Variants in PTBP2 observed in about 807,000 individuals in gnomAD.
PTBP2 encodes the protein polypyrimidine tract-binding protein 2.
PTBP2 carries 13 observed loss-of-function variants against 61.4 expected under a neutral mutation model. That is an observed-to-expected ratio of 0.21 (90% CI 0.14 to 0.34). The LOEUF (loss-of-function observed/expected upper bound fraction) is 0.34, where lower values mean the gene tolerates loss of function less well. PTBP2 is among the 10% of genes least tolerant of loss of function. The pLI is 1.00. For synonymous variants in PTBP2, 215 were observed against 218.5 expected (o/e 0.98, Z 0.14); for missense variants, 405 against 642.6 (o/e 0.63, Z 4.00).
At chr1:96,792,976 A>G (rs1386374895) in intron 8 of PTBP2, among the ~76,000 whole-genome samples, 1 of 152,206 alleles carries the variant, frequency 6.6e-6, no homozygotes, top group Non-Finnish European at 1.5e-5. Flanking sequence ...CAGAAATATT[A>G]AAAATACATA....
rs555376161 is a variant in PTBP2 at position 96,734,578 on chromosome 1, G to GT, written c.39+10994dup. 8.3e-3 allele frequency among the ~76,000 whole-genome samples: 1,205 copies of GT among 144,350 alleles called. 19 individuals carry two copies. The highest frequency in any genetic ancestry group is 0.036 in the Middle Eastern group (10 of 276). 94.7% of individuals were successfully genotyped at this position (144,350 alleles called of 152,430 possible). Reference sequence around the variant, plus strand: ...TACAAGCTCTCCGTTCCTGTTTTTTGTTTTTTTTTTAAGTTGCATTTCATT... The same window carrying GT: ...TACAAGCTCTCCGTTCCTGTTTTTTGTTTTTTTTTTTAAGTTGCATTTCATT... On this transcript the variant is annotated intron_variant, in intron 2 of 13. Transcript: ENST00000674951.
rs373815292 is a variant in PTBP2 at position 96,799,294 on chromosome 1, C to CTTTTTTTTTTTTTT, written c.905-5500_905-5487dup. 9.8e-4 allele frequency among the ~76,000 whole-genome samples: 90 copies of CTTTTTTTTTTTTTT among 92,160 alleles called. 6 individuals carry two copies. The highest frequency in any genetic ancestry group is 1.7e-3 in the African/African-American group (35 of 20,650). 60.5% of individuals were successfully genotyped at this position (92,160 alleles called of 152,430 possible). On this transcript the variant is annotated intron_variant, in intron 8 of 13. Coordinates refer to ENST00000674951, the MANE Select transcript of PTBP2 (RefSeq NM_021190.4). ...ATAGCAATCCTCAGAATAGATCAAGCTTTTTTTTTTTTTTTTTTTGAGATG... is the reference window on the plus strand; with the variant it reads ...ATAGCAATCCTCAGAATAGATCAAGCTTTTTTTTTTTTTTTTTTTTTTTTTTTTTTTTTGAGATG...
chr1:96,746,917 T>TC (rs1653916228), intron 2 of PTBP2, among the ~76,000 whole-genome samples: 1 of 36,212 alleles, frequency 2.8e-5, no homozygotes, highest in Non-Finnish European at 5.0e-5. Context: ...CTCCCTCCCT[T>TC]CCTTCCTTCC....
At position 96,721,808 on chromosome 1, in the gene PTBP2, G is replaced by A. The variant is rs1649585726; in HGVS notation, c.-57G>A. The A allele has an allele frequency of 3.2e-6, 5 of 1,552,080 alleles. No homozygotes were observed. The highest frequency in any genetic ancestry group is 4.4e-6 in the Non-Finnish European group (5 of 1,147,012). ...CAGCCGCCATTTTCTCGCCGCTTGT[G>A]TGGCTCGCTGGCTGCGTGGCTCGGT... On this transcript the variant is annotated 5_prime_UTR_variant, in exon 1 of 14. In the 5' UTR this introduces an upstream ATG that the reference lacks. Coordinates refer to ENST00000674951, the MANE Select transcript of PTBP2 (RefSeq NM_021190.4).
intron 3 of PTBP2, among the ~76,000 whole-genome samples, chr1:96,763,054 A>G (rs1414897197): frequency 6.8e-6 from 1 of 146,580 alleles, no homozygotes; most frequent in African/African-American, 2.6e-5. Context: ...CACTTCCTAG[A>G]TGGGATGGCG....
chr1:96,768,483 T>A (rs760736614), intron 3 of PTBP2, among the ~76,000 whole-genome samples: 1 of 152,018 alleles, frequency 6.6e-6, no homozygotes, highest in Non-Finnish European at 1.5e-5. Flanking sequence ...GGAGTATACA[T>A]GTATATTTCT....
intron 8 of PTBP2, among the ~76,000 whole-genome samples, chr1:96,786,748 C>G (rs1187266111): frequency 3.9e-5 from 6 of 152,058 alleles, no homozygotes; most frequent in African/African-American, 1.4e-4. Context: ...TCACATGCAA[C>G]TCATCAAAGA....
At chr1:96,729,439 A>G (rs574828737) in intron 2 of PTBP2, among the ~76,000 whole-genome samples, 2 of 152,062 alleles carry the variant, frequency 1.3e-5, no homozygotes, top group South Asian at 4.1e-4. Flanking sequence ...TATCCAGTAC[A>G]ATGTTTAATA....
At chr1:96,820,046 C>A (rs1253261064), downstream of PTBP2, 1 of 151,886 alleles carries the variant, frequency 6.6e-6, no homozygotes, top group Admixed American at 6.6e-5. Context: ...TATAAATACA[C>A]TTTTACTCTG....
In PTBP2 at chr1:96,813,626, C is replaced by A; in HGVS notation, c.*221C>A. On this transcript the variant is annotated 3_prime_UTR_variant, in exon 14 of 14. Transcript: ENST00000674951. ...ATATTTCATCTGTTCTATAGGGAAG[C>A]CATTTTGTCTGTTTAAAATTTCAGT... is the stretch of plus-strand genomic sequence containing the variant. The A allele has an allele frequency of 2.8e-6, 1 of 358,168 alleles. No homozygotes were observed. Among genetic ancestry groups the A allele is most frequent in the East Asian group, 4.2e-5 (1 of 23,974 alleles). The allele number at this position is 358,168 out of a possible 1,614,324, so 22.2% of individuals were successfully genotyped here.
chr1:96,731,119 A>G lies in PTBP2; in HGVS notation c.39+7525A>G, dbSNP rs560050184. On this transcript the variant is annotated intron_variant, in intron 2 of 13. Transcript: ENST00000674951. Reference sequence around the variant, plus strand: ...CTGCACCACAGTGTAGTTACTGGACATACCACAATTTAGTTTCCTACATCG... The same window carrying G: ...CTGCACCACAGTGTAGTTACTGGACGTACCACAATTTAGTTTCCTACATCG... Among the ~76,000 whole-genome samples, 98 of 152,310 alleles carry G rather than the reference A, an allele frequency of 6.4e-4. 1 individual carries two copies. The highest frequency in any genetic ancestry group is 6.3e-3 in the Admixed American group (96 of 15,298).
chr1:96,768,623 C>T (rs1657022085), intron 3 of PTBP2, among the ~76,000 whole-genome samples: 1 of 151,782 alleles, frequency 6.6e-6, no homozygotes, highest in Non-Finnish European at 1.5e-5. Context: ...TAAATATTAC[C>T]TATTTTATAG....
At chr1:96,804,650 T>G in intron 8 of PTBP2, 150 bp from the exon 9 acceptor site, 3 of 692,382 alleles carry the variant, frequency 4.3e-6, no homozygotes, top group Non-Finnish European at 4.6e-6. Context: ...AAACAATTTT[T>G]CTAAACACTA....
At chr1:96,796,979 T>A (rs999511227) in intron 8 of PTBP2, among the ~76,000 whole-genome samples, 1 of 152,190 alleles carries the variant, frequency 6.6e-6, no homozygotes, top group Non-Finnish European at 1.5e-5. Flanking sequence ...GATGGCAAAG[T>A]AGATGTTTTT....
In PTBP2 at chr1:96,785,696, A is replaced by G. The variant is rs542358198; in HGVS notation, c.904+442A>G. ...TGAAATGTTAAGAGACAAAACATACATAATGGGTGGAGGCATATGGGATTT... is the reference window on the plus strand; with the variant it reads ...TGAAATGTTAAGAGACAAAACATACGTAATGGGTGGAGGCATATGGGATTT... On this transcript the variant is annotated intron_variant, in intron 8 of 13. Coordinates refer to ENST00000674951, the MANE Select transcript of PTBP2 (RefSeq NM_021190.4). Among the ~76,000 whole-genome samples, 8 of 152,344 alleles carry G rather than the reference A, an allele frequency of 5.3e-5. No homozygotes were observed. In the South Asian group the frequency reaches 1.2e-3, roughly 24 times the overall value.
At chr1:96,812,022 A>G (rs1336500897) in intron 11 of PTBP2, among the ~76,000 whole-genome samples, 2 of 152,176 alleles carry the variant, frequency 1.3e-5, no homozygotes, top group African/African-American at 2.4e-5. Flanking sequence ...TCCAATGAGC[A>G]TTTCCCTTGA....
chr1:96,793,324 A>G (rs1256684137), intron 8 of PTBP2, among the ~76,000 whole-genome samples: 1 of 152,210 alleles, frequency 6.6e-6, no homozygotes, highest in Non-Finnish European at 1.5e-5. Flanking sequence ...AAACATTGGA[A>G]GAGCTAAAGT....
chr1:96,746,905 C>CCTTCCTTCCTT (rs1653902390), intron 2 of PTBP2, among the ~76,000 whole-genome samples: 2 of 55,624 alleles, frequency 3.6e-5, no homozygotes, highest in Admixed American at 1.8e-4. Flanking sequence ...CTCCCTCCCT[C>CCTTCCTTCCTT]CCTCCCTCCC....
intron 2 of PTBP2, among the ~76,000 whole-genome samples, chr1:96,728,930 ATTGT>A (rs1650978045): frequency 6.6e-6 from 1 of 151,812 alleles, no homozygotes; most frequent in Admixed American, 6.6e-5. Context: ...TTAATTTCCA[ATTGT>A]TTGCTAGTGT....
Sources: allele counts gnomAD v4.1 joint callset (sites outside exome capture counted in the v4.1 genomes callset), GRCh38; gene constraint gnomAD v4.1.1; transcripts MANE v1.5; gene names NCBI Gene and HGNC (gene_info 2026-07-23, HGNC 2026-07-21).